Variants in SLC4A5 observed in about 807,000 individuals in gnomAD.
The protein encoded by SLC4A5 is solute carrier family 4 member 5.
A neutral mutation model predicts 120.4 loss-of-function variants in SLC4A5; 96 were observed. The ratio of observed to expected loss-of-function variants is 0.80; its 90% CI spans 0.68 to 0.94. SLC4A5 has a LOEUF of 0.94. Among genes scored for constraint, SLC4A5 ranks in the 40% least tolerant of loss-of-function variants. The pLI, the probability that SLC4A5 is intolerant of heterozygous loss-of-function variation, is 0.00. For missense variants in SLC4A5, 1,259 were observed against 1,459.5 expected, an observed-to-expected ratio of 0.86 and a Z score of 2.24; for synonymous variants, 550 against 571.1, an observed-to-expected ratio of 0.96 and a Z score of 0.53.
chr2:74,331,340 T>C (rs984778266), intron 4 of SLC4A5, among the ~76,000 whole-genome samples: 1 of 151,448 alleles, frequency 6.6e-6, no homozygotes, highest in African/African-American at 2.4e-5. Context: ...TGGTGAGGTA[T>C]AGGTGAGGGT....
chr2:74,263,871 G>A (rs1022730522), intron 10 of SLC4A5, among the ~76,000 whole-genome samples: 6 of 152,184 alleles, frequency 3.9e-5, no homozygotes, highest in South Asian at 2.1e-4. Flanking sequence ...TGGGGCCCAG[G>A]CATTAGGACA....
Position 74,255,878 on chromosome 2 carries a change from G to A in SLC4A5, c.922C>T (p.Leu308Phe). 1.2e-6 allele frequency: 2 copies of A among 1,614,196 alleles called. No homozygotes were observed. Among genetic ancestry groups the A allele is most frequent in the Non-Finnish European group, 1.7e-6 (2 of 1,180,036 alleles). Reference sequence around the variant, plus strand: ...TCTAGGAAGTCCACCTCGCCCACGAGCACGTTGGACGCTTCTGAGTCCTTG... The same window carrying A: ...TCTAGGAAGTCCACCTCGCCCACGAACACGTTGGACGCTTCTGAGTCCTTG... The change falls in exon 13 of 31, where the codon CTC (leucine) becomes TTC (phenylalanine). Residue 308 changes from leucine (L) to phenylalanine (F), a missense_variant. Leu to Phe is a conservative substitution (Grantham distance 22, BLOSUM62 0). Coordinates refer to ENST00000394019, the Ensembl canonical transcript of SLC4A5. This position sits in a 1 kb window ranked among gnomAD's most constrained non-coding sequence, Gnocchi z 4.0.
At chr2:74,269,352 C>G (rs538760609) in intron 8 of SLC4A5, among the ~76,000 whole-genome samples, 1 of 151,532 alleles carries the variant, frequency 6.6e-6, no homozygotes. Flanking sequence ...ATTACAGGTG[C>G]CTGCCACCAG....
At chr2:74,228,246 T>C (rs1694918421) in intron 25 of SLC4A5, among the ~76,000 whole-genome samples, 2 of 152,078 alleles carry the variant, frequency 1.3e-5, no homozygotes, top group African/African-American at 4.8e-5. Flanking sequence ...CAGCTGAGGG[T>C]CCCCTAAAAC....
intron 5 of SLC4A5, among the ~76,000 whole-genome samples, chr2:74,322,959 C>T (rs1264373472): frequency 6.6e-6 from 1 of 152,176 alleles, no homozygotes; most frequent in Non-Finnish European, 1.5e-5. Context: ...AGATAATGGG[C>T]AGGGTGCGGT....
rs568487945 is a variant in SLC4A5 at position 74,308,131 on chromosome 2, G to A, written c.80-3451C>T. Reference sequence around the variant, plus strand: ...TAGTTTGTTCATCCATTCTCCTATTGAAGGACATCTTGGTGGCCTCCAGTT... The same window carrying A: ...TAGTTTGTTCATCCATTCTCCTATTAAAGGACATCTTGGTGGCCTCCAGTT... On this transcript the variant is annotated intron_variant, in intron 6 of 30. Coordinates refer to ENST00000394019, the Ensembl canonical transcript of SLC4A5. The A allele has an allele frequency of 8.8e-6, 3 of 342,758 alleles. No individual in the cohort carries two copies. The Admixed American group carries it at 1.1e-4, about 13-fold the overall frequency. The allele number at this position is 342,758 out of a possible 1,614,324, so 21.2% of individuals were successfully genotyped here.
At chr2:74,238,329 G>A (rs1217124754) in intron 21 of SLC4A5, among the ~76,000 whole-genome samples, 1 of 152,032 alleles carries the variant, frequency 6.6e-6, no homozygotes, top group African/African-American at 2.4e-5. Flanking sequence ...CCAAACAGAG[G>A]CAAAGATAAT....
intron 25 of SLC4A5, among the ~76,000 whole-genome samples, chr2:74,229,317 T>C (rs1254019343): frequency 6.7e-6 from 1 of 150,330 alleles, no homozygotes; most frequent in Non-Finnish European, 1.5e-5. Flanking sequence ...TGGTGCAATC[T>C]CGGCTCACTG....
exon 23 of SLC4A5, chr2:74,233,523 C>T (rs577246408): frequency 1.2e-6 from 2 of 1,614,046 alleles, no homozygotes; most frequent in African/African-American, 1.3e-5. Flanking sequence ...CGGGTTCTTC[C>T]CAAAGGGGGC....
At chr2:74,332,734 T>C (rs1051529944) in intron 4 of SLC4A5, among the ~76,000 whole-genome samples, 43 of 151,860 alleles carry the variant, frequency 2.8e-4, no homozygotes, top group East Asian at 9.7e-4. Context: ...TGCGTGTGTG[T>C]GCGCATGTAT....
In SLC4A5 at chr2:74,259,629, T is replaced by C. The variant is rs777550752; in HGVS notation, c.826A>G (p.Arg276Gly). 6 of 1,614,080 alleles carry C rather than the reference T, an allele frequency of 3.7e-6. No homozygotes were observed. Among genetic ancestry groups the C allele is most frequent in the Non-Finnish European group, 4.2e-6 (5 of 1,180,028 alleles). The stretch of plus-strand genomic sequence containing the variant: ...GTGAGAGAAATGTCATTCATGCTTC[T>C]GCTCTGGGCATGACCTAGGAGAAAA... Residue 276 changes from arginine (R) to glycine (G), a missense_variant, in exon 12 of 31, where the codon AGA becomes GGA. Transcript: ENST00000394019.
At chr2:74,339,605 G>A (rs920547629) in intron 2 of SLC4A5, 3 of 152,170 alleles carry the variant, frequency 2.0e-5, no homozygotes, top group Non-Finnish European at 4.4e-5. Flanking sequence ...TCGGGGCTCA[G>A]GGAACTCTAT....
In SLC4A5 at chr2:74,231,235, C is replaced by A; in HGVS notation, c.2847+1G>T. ...CCCTAGGTGACAGTGCAGGACCTCA[C>A]CTTTAGGATGGGAGCCAGGAAGACA... On this transcript the variant is annotated splice_donor_variant, in intron 25 of 30. Coordinates refer to ENST00000394019, the Ensembl canonical transcript of SLC4A5. LOFTEE classifies it high-confidence loss of function. 6.2e-7 allele frequency: 1 copy of A among 1,611,294 alleles called. No homozygotes were observed. Among genetic ancestry groups the A allele is most frequent in the Non-Finnish European group, 8.5e-7 (1 of 1,178,594 alleles).
chr2:74,264,981 C>T (rs934413871), intron 9 of SLC4A5, 123 bp downstream of exon 9: 1 of 1,123,876 alleles, frequency 8.9e-7, no homozygotes, highest in Non-Finnish European at 1.3e-6. Flanking sequence ...CAAAGCTGGT[C>T]TCTGCAGAAT....
chr2:74,340,915 T>C (rs1673608931), intron 2 of SLC4A5, among the ~76,000 whole-genome samples: 1 of 152,138 alleles, frequency 6.6e-6, no homozygotes, highest in Non-Finnish European at 1.5e-5. Context: ...GAAATTATAA[T>C]TATTAAAATG....
At chr2:74,301,908 G>T (rs58477978) in intron 7 of SLC4A5, among the ~76,000 whole-genome samples, 4,832 of 152,146 alleles carry the variant, frequency 0.032, 267 homozygotes, top group African/African-American at 0.11. Flanking sequence ...TATTCTCAGG[G>T]GTAGAAAGGT....
rs58141033 is a variant in SLC4A5, at chr2:74,219,176, GGTGTGTGTGTGT to G, written c.*34-396_*34-385del. ...ATTGCAGTGTTCTTTGCTCTTTGGA[GGTGTGTGTGTGT>G]GTGTGTGTGTGTGTGTGTGTGTGTG... On this transcript the variant is annotated intron_variant, in intron 30 of 30. Coordinates refer to ENST00000394019, the Ensembl canonical transcript of SLC4A5. Among the ~76,000 whole-genome samples, 550 of 134,342 alleles carry G rather than the reference GGTGTGTGTGTGT, an allele frequency of 4.1e-3. 17 individuals are homozygous for G. In the East Asian group the frequency reaches 0.068, roughly 17 times the overall value. 88.1% of individuals were successfully genotyped at this position (134,342 alleles called of 152,430 possible). A position where few individuals can be genotyped will look rare whatever the true frequency, so the allele number is the denominator to read the frequency against.
chr2:74,217,274 A>G (rs956269662), exon 31 of SLC4A5: 1 of 152,234 alleles, frequency 6.6e-6, no homozygotes, highest in Non-Finnish European at 1.5e-5. Context: ...TGTCAGATGC[A>G]CTGTGGCTGT....
At chr2:74,323,903 A>T (rs535473463) in intron 5 of SLC4A5, among the ~76,000 whole-genome samples, 1 of 152,348 alleles carries the variant, frequency 6.6e-6, no homozygotes, top group South Asian at 2.1e-4. Flanking sequence ...TATCATTATT[A>T]TTAAAAGGTA....
Sources: gnomAD v4.1 joint callset for allele counts (sites outside exome capture counted in the v4.1 genomes callset) on GRCh38, gnomAD v4.1.1 for gene constraint, Gnocchi (gnomAD v3.1) non-coding constraint, MANE v1.5 for transcripts, NCBI Gene and HGNC (gene_info 2026-07-23, HGNC 2026-07-21) for gene names.